Variants in ZSWIM7 observed in about 807,000 individuals in gnomAD.
ZSWIM7 encodes zinc finger SWIM-type containing 7.
Under a neutral mutation model 21.1 loss-of-function variants are expected in ZSWIM7, and 22 were observed. The ratio of observed to expected loss-of-function variants is 1.04; its 90% CI spans 0.74 to 1.49. The LOEUF is 1.49. Among genes scored for constraint, ZSWIM7 ranks in the 40% most tolerant of loss-of-function variants. The probability of loss-of-function intolerance (pLI) is 0.00; values close to 1 mark genes in which losing one functional copy is unlikely to be tolerated. For synonymous variants in ZSWIM7, 67 were observed against 66.5 expected, an observed-to-expected ratio of 1.01 and a Z score of -0.04; for missense variants, 193 against 168.0, an observed-to-expected ratio of 1.15 and a Z score of -0.82.
chr17:15,993,694 T>C, intron 2 of ZSWIM7, 63 bp downstream of exon 2: 5 of 1,233,220 alleles, frequency 4.1e-6, no homozygotes, highest in African/African-American at 1.5e-5. Context: ...CAAGAGTTGA[T>C]GTTGAAAGGA....
chr17:15,988,762 T>TA (rs1247552645), intron 2 of ZSWIM7, among the ~76,000 whole-genome samples: 1 of 152,170 alleles, frequency 6.6e-6, no homozygotes. Flanking sequence ...CTCATACCTG[T>TA]AATCCTAGCA....
At chr17:15,998,103 A>G (rs1303010578) in intron 1 of ZSWIM7, among the ~76,000 whole-genome samples, 1 of 152,008 alleles carries the variant, frequency 6.6e-6, no homozygotes, top group Non-Finnish European at 1.5e-5. Context: ...CTGTCTAAAA[A>G]AAAAAAACAA....
chr17:15,985,996 C>T (rs542401321), intron 3 of ZSWIM7, among the ~76,000 whole-genome samples: 6 of 152,156 alleles, frequency 3.9e-5, no homozygotes, highest in African/African-American at 1.4e-4. Context: ...TAATAATTGG[C>T]AGTCTCTTTT....
At position 15,982,647 on chromosome 17, in the gene ZSWIM7, T is replaced by G. The variant is rs180705661; in HGVS notation, c.202-1503A>C. Among the ~76,000 whole-genome samples the G allele has an allele frequency of 3.5e-3, 525 of 152,048 alleles. 1 individual carries two copies. Among genetic ancestry groups the G allele is most frequent in the South Asian group, 7.1e-3 (34 of 4,798 alleles). On this transcript the variant is annotated intron_variant, in intron 3 of 4. Coordinates refer to ENST00000399277, the MANE Select transcript of ZSWIM7 (RefSeq NM_001042697.2). ...ATCCCAGTACAGCTTTTATTAACAT[T>G]TTTTTTTAATTTTTGTTTTTTGGAG...
intron 1 of ZSWIM7, among the ~76,000 whole-genome samples, chr17:15,994,711 C>T (rs984734921): frequency 6.6e-6 from 1 of 152,154 alleles, no homozygotes; most frequent in Non-Finnish European, 1.5e-5. Flanking sequence ...TGCTCTCTTC[C>T]CTAACATGGC....
At chr17:15,999,405 T>G in intron 1 of ZSWIM7, 114 bp downstream of exon 1, 1 of 1,324,418 alleles carries the variant, frequency 7.6e-7, no homozygotes, top group Non-Finnish European at 1.0e-6. Context: ...GAGAACCACA[T>G]GGAAAAAAGG....
At chr17:15,987,431 C>G (rs2151625176) in intron 2 of ZSWIM7, 63 bp from the exon 3 acceptor site, 4 of 1,352,002 alleles carry the variant, frequency 3.0e-6, no homozygotes, top group Non-Finnish European at 4.1e-6. Context: ...AGTAACTTGC[C>G]CAAAGGATCA....
Position 15,999,639 on chromosome 17 carries a change from G to A in ZSWIM7, c.-45C>T, listed in dbSNP as rs1970646644. 1.9e-6 allele frequency: 3 copies of A among 1,566,496 alleles called. No homozygotes were observed. Among genetic ancestry groups the A allele is most frequent in the Admixed American group, 1.9e-5 (1 of 53,502 alleles). Reference sequence around the variant, plus strand: ...TCCACGACCGGCGGACCGCCGCGACGCTCCAGCTGACTGCGCCTACCTGTG... The same window carrying A: ...TCCACGACCGGCGGACCGCCGCGACACTCCAGCTGACTGCGCCTACCTGTG... On this transcript the variant is annotated 5_prime_UTR_variant, in exon 1 of 5. Transcript: ENST00000399277.
At chr17:15,994,997 AAGTT>A (rs1484423400) in intron 1 of ZSWIM7, among the ~76,000 whole-genome samples, 3 of 152,186 alleles carry the variant, frequency 2.0e-5, no homozygotes, top group Non-Finnish European at 2.9e-5. Flanking sequence ...AAACAGAAGA[AAGTT>A]AGAGGAAAAA....
chr17:15,987,460 A>G (rs544441191), intron 2 of ZSWIM7, 92 bp from the exon 3 acceptor site: 5 of 1,104,512 alleles, frequency 4.5e-6, no homozygotes, highest in Non-Finnish European at 6.5e-6. Context: ...AGTATTTTTT[A>G]AAAATTCATT....
chr17:15,986,698 A>T (rs1970415735), intron 3 of ZSWIM7: 1 of 152,168 alleles, frequency 6.6e-6, no homozygotes, highest in Admixed American at 6.5e-5. Flanking sequence ...TATTGGTCAA[A>T]GGGTACAAAA....
chr17:15,979,717 GCTC>G (rs1408714215), intron 4 of ZSWIM7, among the ~76,000 whole-genome samples: 3 of 142,590 alleles, frequency 2.1e-5, no homozygotes, highest in Admixed American at 1.4e-4. Context: ...GGGCAGAGGG[GCTC>G]CTCACTTCCC....
intron 1 of ZSWIM7, among the ~76,000 whole-genome samples, chr17:15,997,925 AC>A: frequency 6.6e-6 from 1 of 151,998 alleles, no homozygotes; most frequent in East Asian, 1.9e-4. Context: ...ATATGGTGAA[AC>A]CCCGTCTCTT....
chr17:15,992,092 A>G (rs1970494092), intron 2 of ZSWIM7, among the ~76,000 whole-genome samples: 1 of 151,864 alleles, frequency 6.6e-6, no homozygotes, highest in Admixed American at 6.6e-5. Flanking sequence ...ATGCCCGGCT[A>G]ATTTTTGTAT....
At position 15,998,112 on chromosome 17, in the gene ZSWIM7, A is replaced by C. The variant is rs377234462; in HGVS notation, c.76+1407T>G. Among the ~76,000 whole-genome samples, 289 of 151,740 alleles carry C rather than the reference A, an allele frequency of 1.9e-3. 3 individuals are homozygous for C. Among genetic ancestry groups the C allele is most frequent in the East Asian group, 2.9e-3 (15 of 5,170 alleles). On this transcript the variant is annotated intron_variant, in intron 1 of 4. Transcript: ENST00000399277. ...AAGACTCTGTCTAAAAAAAAAAAAC[A>C]AACCAACCCAAACTACTGTCAGTGT...
chr17:15,993,827 C>T (rs557016358), intron 1 of ZSWIM7, 49 bp from the exon 2 acceptor site: 7 of 1,394,708 alleles, frequency 5.0e-6, no homozygotes, highest in African/African-American at 2.9e-5. Flanking sequence ...AAGCAGTGAC[C>T]ATTGACATAA....
chr17:15,978,383 A>C (rs1970305083), intron 4 of ZSWIM7, among the ~76,000 whole-genome samples: 1 of 152,154 alleles, frequency 6.6e-6, no homozygotes, highest in Non-Finnish European at 1.5e-5. Context: ...GGATCACTTG[A>C]GATCAGGAGT....
intron 3 of ZSWIM7, among the ~76,000 whole-genome samples, chr17:15,984,095 G>A (rs1363434155): frequency 6.6e-6 from 1 of 151,798 alleles, no homozygotes; most frequent in Non-Finnish European, 1.5e-5. Context: ...ATAAACAGCT[G>A]GTGACTTGAG....
At chr17:15,990,963 C>T (rs1970474661) in intron 2 of ZSWIM7, 1 of 152,088 alleles carries the variant, frequency 6.6e-6, no homozygotes, top group Admixed American at 6.6e-5. Context: ...TCATCATCCA[C>T]CTGCCTCGGT....
Sources: allele counts gnomAD v4.1 joint callset (sites outside exome capture counted in the v4.1 genomes callset), GRCh38; gene constraint gnomAD v4.1.1; transcripts MANE v1.5; gene names NCBI Gene and HGNC (gene_info 2026-07-23, HGNC 2026-07-21).